The following TMEM167A variants were observed in gnomAD, a reference collection of about 807,000 sequenced individuals.
The protein encoded by TMEM167A is transmembrane protein 167A, also known as protein kish-A.
In TMEM167A, 8 loss-of-function variants were observed where a neutral mutation model predicts 11.6. The observed-to-expected ratio is 0.69, with a 90% CI of 0.40 to 1.24. The LOEUF is 1.24. Ranked by LOEUF, TMEM167A falls within the 50% of genes most tolerant of loss-of-function variation. The pLI is 0.01. For missense variants in TMEM167A, 62 were observed against 87.0 expected (o/e 0.71, Z 1.14); for synonymous variants, 22 against 28.0 (o/e 0.79, Z 0.67).
At chr5:83,067,677 G>GT (rs907540476) in intron 1 of TMEM167A, among the ~76,000 whole-genome samples, 3 of 148,538 alleles carry the variant, frequency 2.0e-5, no homozygotes, top group African/African-American at 7.7e-5. Context: ...GCTAAATTTT[G>GT]TATTTTTTTT....
At chr5:83,063,152 C>T (rs1744430875) in intron 2 of TMEM167A, among the ~76,000 whole-genome samples, 1 of 152,002 alleles carries the variant, frequency 6.6e-6, no homozygotes, top group Admixed American at 6.6e-5. Flanking sequence ...AATGACAAAG[C>T]CCATATACAT....
chr5:83,055,449 T>C lies in TMEM167A; in HGVS notation c.*1635A>G, dbSNP rs1348413908. ...ATTTTTGAGAAACCCTAAAAATCCT[T>C]GACCTGATGTAAAGCCCAAGAGGCA... On this transcript the variant is annotated 3_prime_UTR_variant, in exon 4 of 4. Transcript: ENST00000502346. 6.6e-6 allele frequency: 1 copy of C among 151,914 alleles called. No homozygotes were observed. The highest frequency in any genetic ancestry group is 1.9e-4 in the East Asian group (1 of 5,182). 9.4% of individuals were successfully genotyped at this position (151,914 alleles called of 1,614,324 possible).
chr5:83,062,361 A>G lies in TMEM167A; in HGVS notation c.114-450T>C, dbSNP rs563051398. 9.1e-4 allele frequency among the ~76,000 whole-genome samples: 138 copies of G among 152,320 alleles called. No homozygotes were observed. In the Middle Eastern group the frequency reaches 0.014, roughly 15 times the overall value. On this transcript the variant is annotated intron_variant, in intron 2 of 3. Transcript: ENST00000502346. ...TTAATTTCTTACAGAATGTAGCTCT[A>G]AAGTTAAATAATCTATAATAATGAA...
chr5:83,064,296 T>A, intron 2 of TMEM167A: 1 of 518,796 alleles, frequency 1.9e-6, no homozygotes, highest in Non-Finnish European at 3.8e-6. Flanking sequence ...ATGAACATAT[T>A]CCTGCTCCCA....
intron 2 of TMEM167A, chr5:83,064,246 G>C: frequency 1.9e-6 from 1 of 518,630 alleles, no homozygotes. Flanking sequence ...TTACTAGAAG[G>C]TTGGCAGCCC....
chr5:83,075,733 A>T (rs1029779964), intron 1 of TMEM167A, among the ~76,000 whole-genome samples: 2 of 144,728 alleles, frequency 1.4e-5, no homozygotes, highest in Non-Finnish European at 3.1e-5. Context: ...CAACAGAGGG[A>T]GACTCCATCT....
rs1744304077 is a variant in TMEM167A at position 83,054,730 on chromosome 5, G to A, written c.*2354C>T. Reference sequence around the variant, plus strand: ...GAGAAGAGCAGGGAAAATAACTACTGGGTACTAGGCTTAGCACCTGGGTGA... The same window carrying A: ...GAGAAGAGCAGGGAAAATAACTACTAGGTACTAGGCTTAGCACCTGGGTGA... On this transcript the variant is annotated 3_prime_UTR_variant, in exon 4 of 4. Transcript: ENST00000502346. The A allele has an allele frequency of 6.6e-6, 1 of 151,894 alleles. No homozygotes were observed. Among genetic ancestry groups the A allele is most frequent in the East Asian group, 1.9e-4 (1 of 5,186 alleles). The allele number at this position is 151,894 out of a possible 1,614,324, so 9.4% of individuals were successfully genotyped here. A position where few individuals can be genotyped will look rare whatever the true frequency, so the allele number is the denominator to read the frequency against.
At position 83,057,149 on chromosome 5, in the gene TMEM167A, G is replaced by A. The variant is rs769768408; in HGVS notation, c.154C>T (p.Arg52Trp). 6.2e-6 allele frequency: 10 copies of A among 1,611,516 alleles called. No individual in the cohort carries two copies. The highest frequency in any genetic ancestry group is 2.2e-5 in the East Asian group (1 of 44,822). Residue 52 changes from arginine (R) to tryptophan (W), a missense_variant, in exon 4 of 4, where the codon CGG (arginine) becomes TGG (tryptophan). Physicochemically the swap from Arg to Trp is moderately radical, Grantham distance 101 (BLOSUM62 -3). Coordinates refer to ENST00000502346, the MANE Select transcript of TMEM167A (RefSeq NM_174909.5). ...IFWKCARIGE[R>W]KSPYVAVCCI... ...CATACTGCAACATAAGGACTCTTCC[G>A]TTCACCTGTTGAAAAAAAGGAGATG...
intron 2 of TMEM167A, among the ~76,000 whole-genome samples, chr5:83,063,465 T>C (rs946249414): frequency 6.6e-6 from 1 of 152,156 alleles, no homozygotes; most frequent in Admixed American, 6.5e-5. Context: ...TCCTTCATTC[T>C]AGAACCCACT....
chr5:83,069,579 C>G (rs376030997), intron 1 of TMEM167A, among the ~76,000 whole-genome samples: 1 of 152,094 alleles, frequency 6.6e-6, no homozygotes, highest in African/African-American at 2.4e-5. Flanking sequence ...CTGACTCATG[C>G]GTCCAATCTC....
At chr5:83,075,370 T>C (rs1454448453) in intron 1 of TMEM167A, among the ~76,000 whole-genome samples, 1 of 152,194 alleles carries the variant, frequency 6.6e-6, no homozygotes, top group Non-Finnish European at 1.5e-5. Flanking sequence ...AAAGTATTAA[T>C]TCACAAGTGC....
intron 1 of TMEM167A, among the ~76,000 whole-genome samples, chr5:83,065,666 C>T (rs940895738): frequency 4.0e-5 from 6 of 151,862 alleles, no homozygotes; most frequent in Admixed American, 6.6e-5. Context: ...AGATGCTCAA[C>T]GAGTAAGTAT....
Position 83,061,846 on chromosome 5 carries a change from G to T in TMEM167A, c.148+31C>A, listed in dbSNP as rs202033104. On this transcript the variant is annotated intron_variant, in intron 3 of 3. Coordinates refer to ENST00000502346, the MANE Select transcript of TMEM167A (RefSeq NM_174909.5). Reference sequence around the variant, plus strand: ...GTAAATTGGTCAACAATTTACAGCTGAAGAAATGGAGGGAGATTATAGACA... The same window carrying T: ...GTAAATTGGTCAACAATTTACAGCTTAAGAAATGGAGGGAGATTATAGACA... The T allele has an allele frequency of 9.2e-4, 1,470 of 1,590,830 alleles. 4 individuals carry two copies. The highest frequency in any genetic ancestry group is 4.8e-3 in the Middle Eastern group (29 of 5,998).
At chr5:83,057,191 G>A in intron 3 of TMEM167A, 37 bp from the exon 4 acceptor site, 2 of 1,584,412 alleles carry the variant, frequency 1.3e-6, no homozygotes, top group Non-Finnish European at 1.7e-6. Flanking sequence ...TTGATTAACT[G>A]AGTGGCTAAC....
chr5:83,069,181 A>C (rs1203289870), intron 1 of TMEM167A, among the ~76,000 whole-genome samples: 2 of 152,166 alleles, frequency 1.3e-5, no homozygotes, highest in Non-Finnish European at 2.9e-5. Flanking sequence ...TTAGGTGGTA[A>C]GTCTTTTAGA....
At chr5:83,063,336 G>T (rs1024422237) in intron 2 of TMEM167A, among the ~76,000 whole-genome samples, 2 of 152,092 alleles carry the variant, frequency 1.3e-5, no homozygotes, top group Non-Finnish European at 2.9e-5. Flanking sequence ...TGGTGACTTA[G>T]ATGTACTGTG....
chr5:83,056,324 CT>C lies in TMEM167A; in HGVS notation c.*759del, dbSNP rs1744330766. Reference sequence around the variant, plus strand: ...ATAGGATAATTATTTTATAATTGTTCTTTTCATTCTAAGAACGTTGTGTTTT... The same window carrying C: ...ATAGGATAATTATTTTATAATTGTTCTTTCATTCTAAGAACGTTGTGTTTT... On this transcript the variant is annotated 3_prime_UTR_variant, in exon 4 of 4. Coordinates refer to ENST00000502346, the MANE Select transcript of TMEM167A (RefSeq NM_174909.5). 6.6e-6 allele frequency: 1 copy of C among 151,884 alleles called. No individual in the cohort carries two copies. Among genetic ancestry groups the C allele is most frequent in the Non-Finnish European group, 1.5e-5 (1 of 67,888 alleles). 9.4% of individuals were successfully genotyped at this position (151,884 alleles called of 1,614,324 possible).
intron 3 of TMEM167A, among the ~76,000 whole-genome samples, chr5:83,057,686 G>A (rs934854904): frequency 3.9e-5 from 6 of 152,000 alleles, no homozygotes; most frequent in African/African-American, 1.4e-4. Flanking sequence ...AAATTAAAAT[G>A]CTTAATTAAA....
In TMEM167A at chr5:83,055,592, C is replaced by CA. The variant is rs751245901; in HGVS notation, c.*1491dup. On this transcript the variant is annotated 3_prime_UTR_variant, in exon 4 of 4. Coordinates refer to ENST00000502346, the MANE Select transcript of TMEM167A (RefSeq NM_174909.5). The stretch of plus-strand genomic sequence containing the variant: ...CCAAAACCAAACCAAAACAAACAAA[C>CA]AAAAAATCCCCAGATAACAAAATAC... 6.6e-6 allele frequency: 1 copy of CA among 151,710 alleles called. No individual in the cohort carries two copies. The highest frequency in any genetic ancestry group is 1.5e-5 in the Non-Finnish European group (1 of 67,838). 9.4% of individuals were successfully genotyped at this position (151,710 alleles called of 1,614,324 possible).
Sources: allele counts gnomAD v4.1 joint callset (sites outside exome capture counted in the v4.1 genomes callset), GRCh38; gene constraint gnomAD v4.1.1; transcripts MANE v1.5; gene names NCBI Gene and HGNC (gene_info 2026-07-23, HGNC 2026-07-21).